KCNV2: variants seen among roughly 807,000 people sequenced by gnomAD.
KCNV2 encodes the protein potassium voltage-gated channel modifier subfamily V member 2, also known as potassium voltage-gated channel subfamily V member 2.
Under a neutral mutation model 37.0 loss-of-function variants are expected in KCNV2, and 65 were observed. The ratio of observed to expected loss-of-function variants is 1.76; its 90% CI spans 1.44 to 2.16. KCNV2 has a LOEUF of 2.16. Ranked by LOEUF, KCNV2 falls within the 30% of genes most tolerant of loss-of-function variation. The probability of loss-of-function intolerance (pLI) is 0.00; values close to 1 mark genes in which losing one functional copy is unlikely to be tolerated. For missense variants in KCNV2, 1,232 were observed against 766.7 expected, an observed-to-expected ratio of 1.61 and a Z score of -7.17; for synonymous variants, 518 against 328.6, an observed-to-expected ratio of 1.58 and a Z score of -6.23.
At chr9:2,723,390 T>C (rs776249150) in intron 1 of KCNV2, among the ~76,000 whole-genome samples, 2 of 152,200 alleles carry the variant, frequency 1.3e-5, no homozygotes, top group Non-Finnish European at 2.9e-5. Context: ...TCCTGCAAAC[T>C]TTCTCTGTAA....
chr9:2,717,923 G>A lies in KCNV2; in HGVS notation c.184G>A (p.Glu62Lys), dbSNP rs777506343. The A allele has an allele frequency of 4.8e-5, 77 of 1,611,206 alleles. No individual in the cohort carries two copies. Among genetic ancestry groups the A allele is most frequent in the African/African-American group, 1.3e-5 (1 of 74,878 alleles). ...NYYIEEDEDG[E>K]EEDQWKDDLA... ...CTACATCGAGGAAGACGAAGACGGC[G>A]AGGAGGAGGACCAGTGGAAGGACGA... The change falls in exon 1 of 2, where the codon GAG becomes AAG. Residue 62 changes from glutamate (E) to lysine (K), a missense_variant. Physicochemically the swap from Glu to Lys is moderately conservative, Grantham distance 56. Transcript: ENST00000382082.
In KCNV2 at chr9:2,719,062, C is replaced by G. The variant is rs751864649; in HGVS notation, c.1323C>G (p.Phe441Leu). 3 of 1,612,136 alleles carry G rather than the reference C, an allele frequency of 1.9e-6. No homozygotes were observed. The South Asian group carries it at 3.3e-5, about 18-fold the overall frequency. Residue 441 changes from phenylalanine to leucine, a missense_variant, in exon 1 of 2, where the codon TTC becomes TTG. Physicochemically the swap from Phe to Leu is conservative, Grantham distance 22 (BLOSUM62 0). Coordinates refer to ENST00000382082, the MANE Select transcript of KCNV2 (RefSeq NM_133497.4). ...AGCACGATGTGCCCAGCACCAACTT[C>G]ACTACCATCCCCCACTCCTGGTGGT... Reference protein sequence around the residue: ...SVEHDVPSTNFTTIPHSWWWA... With the variant: ...SVEHDVPSTNLTTIPHSWWWA...
At position 2,729,496 on chromosome 9, in the gene KCNV2, G is replaced by A; in HGVS notation, c.1407G>A (p.Leu469=). Residue 469 remains leucine, a synonymous_variant, in exon 2 of 2, where the codon CTG becomes CTA. Transcript: ENST00000382082. The stretch of plus-strand genomic sequence containing the variant: ...GAGACATGTACCCAGAGACCCACCT[G>A]GGCAGGTTTTTTGCCTTCCTCTGCA... The part of the protein sequence containing the change: ...GYGDMYPETH[L]GRFFAFLCIA... 6.2e-7 allele frequency: 1 copy of A among 1,614,064 alleles called. No individual in the cohort carries two copies. Among genetic ancestry groups the A allele is most frequent in the Non-Finnish European group, 8.5e-7 (1 of 1,179,982 alleles).
chr9:2,729,535 C>T lies in KCNV2; in HGVS notation c.1446C>T (p.Ile482=). 6.2e-7 allele frequency: 1 copy of T among 1,614,138 alleles called. No homozygotes were observed. The highest frequency in any genetic ancestry group is 8.5e-7 in the Non-Finnish European group (1 of 1,180,020). Reference sequence around the variant, plus strand: ...CCTTCCTCTGCATTGCTTTTGGGATCATTCTCAACGGGATGCCCATTTCCA... The same window carrying T: ...CCTTCCTCTGCATTGCTTTTGGGATTATTCTCAACGGGATGCCCATTTCCA... ...FFAFLCIAFG[I]ILNGMPISIL... is the part of the protein sequence containing the mutation. The change falls in exon 2 of 2, where the codon ATC becomes ATT. Residue 482 remains isoleucine (I), a synonymous_variant. Coordinates refer to ENST00000382082, the MANE Select transcript of KCNV2 (RefSeq NM_133497.4).
chr9:2,718,046 G>A lies in KCNV2; in HGVS notation c.307G>A (p.Val103Met), dbSNP rs758286104. Reference sequence around the variant, plus strand: ...CCTGCTGTCCACGCTGAATGTGAACGTGGGTGGCCACAGCTACCAGCTGGA... The same window carrying A: ...CCTGCTGTCCACGCTGAATGTGAACATGGGTGGCCACAGCTACCAGCTGGA... Reference protein sequence around the residue: ...PALLSTLNVNVGGHSYQLDYC... With the variant: ...PALLSTLNVNMGGHSYQLDYC... The change falls in exon 1 of 2, where the codon GTG becomes ATG. Residue 103 changes from valine to methionine, a missense_variant. Physicochemically the swap from Val to Met is conservative, Grantham distance 21. Transcript: ENST00000382082. 1.9e-5 allele frequency: 31 copies of A among 1,609,994 alleles called. 1 individual carries two copies. In the South Asian group the frequency reaches 2.6e-4, roughly 14 times the overall value.
intron 1 of KCNV2, among the ~76,000 whole-genome samples, chr9:2,722,504 TAAGTTATTTATAAATAA>T (rs1159529619): frequency 7.4e-6 from 1 of 135,752 alleles, no homozygotes; most frequent in Non-Finnish European, 1.5e-5. Context: ...TATTTATAAA[TAAGTTATTTATAAATAA>T]AAGTTATTTA....
Position 2,718,403 on chromosome 9 carries a change from G to C in KCNV2, c.664G>C (p.Ala222Pro). 1 of 1,602,100 alleles carries C rather than the reference G, an allele frequency of 6.2e-7. No individual in the cohort carries two copies. The highest frequency in any genetic ancestry group is 8.5e-7 in the Non-Finnish European group (1 of 1,175,388). Reference protein sequence around the residue: ...ERLKIQHELRAQAQVEEAEEL... With the variant: ...ERLKIQHELRPQAQVEEAEEL... ...GCTCAAGATCCAGCACGAGCTGCGC[G>C]CGCAGGCGCAGGTCGAGGAGGCGGA... Residue 222 changes from alanine (A) to proline (P), a missense_variant, in exon 1 of 2, where the codon GCG becomes CCG. Transcript: ENST00000382082.
intron 1 of KCNV2, among the ~76,000 whole-genome samples, chr9:2,722,284 T>C (rs1014538262): frequency 2.3e-5 from 3 of 132,242 alleles, no homozygotes; most frequent in Admixed American, 7.5e-5. Context: ...TATTTACAAA[T>C]TAGAAGTTAT....
In KCNV2 at chr9:2,718,273, G is replaced by C. The variant is rs1353032822; in HGVS notation, c.534G>C (p.Pro178=). ...TGCTGGTGCTCGACGGGCTGTGTCC[G>C]CGCCGCTTCCTGGAGGAGCTGGGCT... is the stretch of plus-strand genomic sequence containing the variant. ...GVLLVLDGLC[P]RRFLEELGYW... Residue 178 remains proline (P), a synonymous_variant, in exon 1 of 2, where the codon CCG becomes CCC. Coordinates refer to ENST00000382082, the MANE Select transcript of KCNV2 (RefSeq NM_133497.4). 1.2e-6 allele frequency: 2 copies of C among 1,612,156 alleles called. No homozygotes were observed. The highest frequency in any genetic ancestry group is 1.7e-6 in the Non-Finnish European group (2 of 1,179,866).
intron 1 of KCNV2, among the ~76,000 whole-genome samples, chr9:2,719,901 T>C (rs1819833414): frequency 6.6e-6 from 1 of 152,280 alleles, no homozygotes; most frequent in Admixed American, 6.5e-5. Flanking sequence ...CATTGTTTTC[T>C]TTGGCCTTTG....
Position 2,730,016 on chromosome 9 carries a change from CAATA to C in KCNV2, c.*294_*297del, listed in dbSNP as rs1221211297. On this transcript the variant is annotated 3_prime_UTR_variant, in exon 2 of 2. Coordinates refer to ENST00000382082, the MANE Select transcript of KCNV2 (RefSeq NM_133497.4). ...TTGTAGCTTCTCGTGGCATCTAGCT[CAATA>C]AATATTTTTGGACTTGAGTTGACTT... The C allele has an allele frequency of 1.4e-5, 5 of 347,816 alleles. No homozygotes were observed. Among genetic ancestry groups the C allele is most frequent in the Admixed American group, 4.2e-5 (1 of 23,532 alleles). 21.5% of individuals were successfully genotyped at this position (347,816 alleles called of 1,614,324 possible). A position where few individuals can be genotyped will look rare whatever the true frequency, so the allele number is the denominator to read the frequency against.
chr9:2,722,425 GAAGTTATTTATAAAT>G (rs1307471408), intron 1 of KCNV2, among the ~76,000 whole-genome samples: 15 of 136,682 alleles, frequency 1.1e-4, no homozygotes, highest in Non-Finnish European at 2.0e-4. Context: ...TTTATAAATA[GAAGTTATTTATAAAT>G]AAGTTATTTA....
Position 2,717,929 on chromosome 9 carries a change from G to GAGGA in KCNV2, c.191_194dup (p.Asp65GlufsTer308), listed in dbSNP as rs761714586. ...CGAGGAAGACGAAGACGGCGAGGAG[G>GAGGA]AGGACCAGTGGAAGGACGACCTGGC... On this transcript the variant is annotated frameshift_variant, in exon 1 of 2. Coordinates refer to ENST00000382082, the MANE Select transcript of KCNV2 (RefSeq NM_133497.4). LOFTEE classifies it high-confidence loss of function. 6.2e-7 allele frequency: 1 copy of GAGGA among 1,614,182 alleles called. No individual in the cohort carries two copies. The highest frequency in any genetic ancestry group is 8.5e-7 in the Non-Finnish European group (1 of 1,180,032).
intron 1 of KCNV2, among the ~76,000 whole-genome samples, chr9:2,719,424 A>G (rs952783764): frequency 4.6e-5 from 7 of 152,208 alleles, no homozygotes; most frequent in Admixed American, 4.6e-4. Context: ...GTCCTGACAA[A>G]GCTTATCTCA....
intron 1 of KCNV2, among the ~76,000 whole-genome samples, chr9:2,722,442 AGTT>A: frequency 1.4e-5 from 2 of 139,216 alleles, no homozygotes; most frequent in African/African-American, 5.5e-5. Context: ...TTTATAAATA[AGTT>A]ATTTATAAAT....
intron 1 of KCNV2, among the ~76,000 whole-genome samples, chr9:2,726,342 C>T (rs1819967298): frequency 1.3e-5 from 2 of 152,118 alleles, no homozygotes; most frequent in South Asian, 2.1e-4. Context: ...GGACCAGTCA[C>T]ACATAGCCTC....
chr9:2,717,856 C>G lies in KCNV2; in HGVS notation c.117C>G (p.Ser39=). Residue 39 remains serine (S), a synonymous_variant, in exon 1 of 2, where the codon TCC becomes TCG. Coordinates refer to ENST00000382082, the MANE Select transcript of KCNV2 (RefSeq NM_133497.4). ...GCTCCCTGGGTGCCCGTTCCGGCTC[C>G]CAGGCCAGCATCCACGGCTGGACAG... ...SICSLGARSG[S]QASIHGWTEG... 1 of 1,614,196 alleles carries G rather than the reference C, an allele frequency of 6.2e-7. No individual in the cohort carries two copies. Among genetic ancestry groups the G allele is most frequent in the Non-Finnish European group, 8.5e-7 (1 of 1,180,034 alleles).
At position 2,718,486 on chromosome 9, in the gene KCNV2, C is replaced by G. The variant is rs1311067924; in HGVS notation, c.747C>G (p.Leu249=). Reference sequence around the variant, plus strand: ...CGCAGCGGCGCCGCCTCTGGAACCTCATGGAGAAGCCATTCTCCTCGGTGG... The same window carrying G: ...CGCAGCGGCGCCGCCTCTGGAACCTGATGGAGAAGCCATTCTCCTCGGTGG... ...YGPQRRRLWN[L]MEKPFSSVAA... is the part of the protein sequence containing the mutation. Residue 249 remains leucine, a synonymous_variant, in exon 1 of 2, where the codon CTC becomes CTG. Coordinates refer to ENST00000382082, the MANE Select transcript of KCNV2 (RefSeq NM_133497.4). 1 of 1,610,714 alleles carries G rather than the reference C, an allele frequency of 6.2e-7. No individual in the cohort carries two copies. The highest frequency in any genetic ancestry group is 1.3e-5 in the African/African-American group (1 of 75,032).
At chr9:2,722,116 A>T (rs11792858) in intron 1 of KCNV2, among the ~76,000 whole-genome samples, 2 of 137,404 alleles carry the variant, frequency 1.5e-5, no homozygotes, top group African/African-American at 6.1e-5. Flanking sequence ...GTTATTTATA[A>T]ATAAATTAGA....
Sources: allele counts gnomAD v4.1 joint callset (sites outside exome capture counted in the v4.1 genomes callset), GRCh38; gene constraint gnomAD v4.1.1; transcripts MANE v1.5; gene names NCBI Gene and HGNC (gene_info 2026-07-23, HGNC 2026-07-21).